The following TLL1 variants were observed in gnomAD, a reference collection of about 807,000 sequenced individuals.
The protein encoded by TLL1 is tolloid like 1.
Under a neutral mutation model 128.2 loss-of-function variants are expected in TLL1, and 49 were observed. That is an observed-to-expected ratio of 0.38 (90% CI 0.30 to 0.48). The LOEUF (loss-of-function observed/expected upper bound fraction) is 0.48, where lower values mean the gene tolerates loss of function less well. Ranked by LOEUF, TLL1 falls within the 20% of genes least tolerant of loss-of-function variation. TLL1 has a pLI of 0.96. For missense variants in TLL1, 1,123 were observed against 1,242.0 expected (o/e 0.90, Z 1.44); for synonymous variants, 454 against 418.8 (o/e 1.08, Z -1.03).
chr4:165,920,455 A>T (rs1459397836), intron 1 of TLL1, among the ~76,000 whole-genome samples: 2 of 152,258 alleles, frequency 1.3e-5, no homozygotes, highest in Non-Finnish European at 2.9e-5. Context: ...AATAATTCTC[A>T]AAAGTAACAG....
intron 1 of TLL1, among the ~76,000 whole-genome samples, chr4:165,964,918 CAG>C (rs1246796541): frequency 2.0e-5 from 3 of 151,904 alleles, no homozygotes; most frequent in Non-Finnish European, 4.4e-5. Flanking sequence ...GACTGAGTGA[CAG>C]AGTAAGACCG....
chr4:166,081,504 C>G (rs958735082), intron 18 of TLL1, among the ~76,000 whole-genome samples: 1 of 152,140 alleles, frequency 6.6e-6, no homozygotes, highest in African/African-American at 2.4e-5. Flanking sequence ...TAAGTGTGTG[C>G]AAGCTCCCCT....
chr4:166,042,008 ATTC>A lies in TLL1; in HGVS notation c.1262-16_1262-14del. ...GAGTCCTATTTAGGAGTTTCTCTTT[ATTC>A]TTTTATTTCTTTTAGGTAGATTCTG... is the stretch of plus-strand genomic sequence containing the variant. On this transcript the variant is annotated splice_polypyrimidine_tract_variant and intron_variant, in intron 10 of 20. Coordinates refer to ENST00000061240, the MANE Select transcript of TLL1 (RefSeq NM_012464.5). The A allele has an allele frequency of 1.9e-6, 3 of 1,550,354 alleles. No individual in the cohort carries two copies. Among genetic ancestry groups the A allele is most frequent in the Non-Finnish European group, 2.7e-6 (3 of 1,123,538 alleles).
intron 1 of TLL1, among the ~76,000 whole-genome samples, chr4:165,893,231 T>C (rs181093026): frequency 6.8e-4 from 104 of 152,250 alleles, no homozygotes; most frequent in African/African-American, 2.3e-3. Flanking sequence ...CAGGATGGAG[T>C]AACAGGGACT....
At chr4:165,983,779 A>G (rs1441129376) in intron 1 of TLL1, among the ~76,000 whole-genome samples, 1 of 151,802 alleles carries the variant, frequency 6.6e-6, no homozygotes, top group African/African-American at 2.4e-5. Context: ...TCCAAAGTCT[A>G]GCTTTCTTAT....
rs5863787 is a variant in TLL1, at chr4:165,903,733, T to TCACACACA, written c.169+29685_169+29692dup. 7.9e-3 allele frequency among the ~76,000 whole-genome samples: 1,148 copies of TCACACACA among 144,872 alleles called. 10 individuals are homozygous for TCACACACA. The highest frequency in any genetic ancestry group is 0.051 in the East Asian group (243 of 4,768). On this transcript the variant is annotated intron_variant, in intron 1 of 20. Coordinates refer to ENST00000061240, the MANE Select transcript of TLL1 (RefSeq NM_012464.5). ...GCAGAGGTTAGATCTTAAGTTCTTA[T>TCACACACA]CACACACACACACACACACACACAC...
At chr4:166,087,914 A>G (rs1741597094) in intron 18 of TLL1, among the ~76,000 whole-genome samples, 1 of 152,132 alleles carries the variant, frequency 6.6e-6, no homozygotes, top group Admixed American at 6.6e-5. Flanking sequence ...TGGGAAATGC[A>G]TTAGGATTTC....
At chr4:165,955,216 C>G (rs543491092) in intron 1 of TLL1, among the ~76,000 whole-genome samples, 1 of 150,750 alleles carries the variant, frequency 6.6e-6, no homozygotes, top group Non-Finnish European at 1.5e-5. Context: ...CCCAATCAGA[C>G]CAAAAAATTA....
Position 166,042,068 on chromosome 4 carries a change from A to G in TLL1, c.1303A>G (p.Thr435Ala). Residue 435 changes from threonine (T) to alanine (A), a missense_variant, in exon 11 of 21, where the codon ACA becomes GCA. Thr to Ala is a moderately conservative substitution (Grantham distance 58). Around this residue, in one of 3 missense-constraint regions of TLL1, gnomAD observed 480 missense variants for 542.4 expected, o/e 0.89. Transcript: ENST00000061240. ...GDKLPEVLTS[T>A]DSRMWIEFRS... Reference sequence around the variant, plus strand: ...CAAATTGCCTGAAGTTCTTACTTCTACAGACAGCAGAATGTGGATTGAGTT... The same window carrying G: ...CAAATTGCCTGAAGTTCTTACTTCTGCAGACAGCAGAATGTGGATTGAGTT... 1 of 1,612,430 alleles carries G rather than the reference A, an allele frequency of 6.2e-7. No individual in the cohort carries two copies. The highest frequency in any genetic ancestry group is 8.5e-7 in the Non-Finnish European group (1 of 1,178,698).
intron 1 of TLL1, among the ~76,000 whole-genome samples, chr4:165,964,533 C>A (rs116276701): frequency 2.6e-5 from 4 of 152,128 alleles, no homozygotes; most frequent in Non-Finnish European, 5.9e-5. Context: ...TGAGATGTAA[C>A]TCTGGATAGT....
intron 1 of TLL1, among the ~76,000 whole-genome samples, chr4:165,928,770 G>C (rs1012149100): frequency 1.3e-5 from 2 of 152,122 alleles, no homozygotes; most frequent in Admixed American, 1.3e-4. Context: ...CTCATTTACA[G>C]TCCCAAGATT....
intron 1 of TLL1, among the ~76,000 whole-genome samples, chr4:165,902,282 AC>A (rs1732031522): frequency 6.7e-6 from 1 of 148,482 alleles, no homozygotes; most frequent in African/African-American, 2.5e-5. Context: ...TCCAGGTGCC[AC>A]CAGGTTATGA....
chr4:165,917,489 TGTA>T (rs1377837624), intron 1 of TLL1, among the ~76,000 whole-genome samples: 2 of 152,130 alleles, frequency 1.3e-5, no homozygotes, highest in African/African-American at 4.8e-5. Flanking sequence ...AGGTATCAGG[TGTA>T]ACTTTTATTA....
intron 1 of TLL1, among the ~76,000 whole-genome samples, chr4:165,911,865 T>C (rs1382621166): frequency 6.6e-6 from 1 of 152,014 alleles, no homozygotes; most frequent in Admixed American, 6.6e-5. Context: ...GTCAATGGTG[T>C]TTTTTTGTTT....
chr4:166,066,550 T>A (rs1057204134), intron 16 of TLL1, among the ~76,000 whole-genome samples: 3 of 151,904 alleles, frequency 2.0e-5, no homozygotes, highest in African/African-American at 7.2e-5. Context: ...ATTCTGTCTT[T>A]GCAACTAGCA....
chr4:166,041,550 C>T (rs571533839), intron 10 of TLL1, among the ~76,000 whole-genome samples: 2 of 152,148 alleles, frequency 1.3e-5, no homozygotes, highest in African/African-American at 2.4e-5. Context: ...CCACCCACCT[C>T]GGCCTCCCAA....
intron 1 of TLL1, among the ~76,000 whole-genome samples, chr4:165,878,262 G>T (rs771114753): frequency 4.6e-5 from 7 of 151,650 alleles, no homozygotes; most frequent in Non-Finnish European, 1.0e-4. Flanking sequence ...TTTCTTAGTC[G>T]GTGCCTCTCT....
intron 1 of TLL1, among the ~76,000 whole-genome samples, chr4:165,918,770 A>G (rs1414982753): frequency 1.3e-5 from 2 of 152,060 alleles, no homozygotes; most frequent in South Asian, 2.1e-4. Context: ...CCCCAAAACC[A>G]CTGGGGTAGG....
Position 166,074,905 on chromosome 4 carries a change from G to A in TLL1, c.2216G>A (p.Gly739Asp). The change falls in exon 17 of 21, where the codon GGT becomes GAT. Residue 739 changes from glycine (G) to aspartate (D), a missense_variant. Gly to Asp is a moderately conservative substitution (Grantham distance 94, BLOSUM62 -1). This residue lies in a region of TLL1 where 634 missense variants were observed against 672.4 expected (regional missense o/e 0.94). Transcript: ENST00000061240. Reference protein sequence around the residue: ...SDKDECSKDNGGCQHECVNTM... With the variant: ...SDKDECSKDNDGCQHECVNTM... ...AAAGATGAATGCTCTAAGGATAATG[G>A]TGGATGTCAGCACGAATGTGTCAAC... The A allele has an allele frequency of 6.2e-7, 1 of 1,613,568 alleles. No homozygotes were observed. The highest frequency in any genetic ancestry group is 1.1e-5 in the South Asian group (1 of 91,080).
Sources: allele counts gnomAD v4.1 joint callset (sites outside exome capture counted in the v4.1 genomes callset), GRCh38; gene constraint gnomAD v4.1.1; regional missense constraint gnomAD v4.1.1; transcripts MANE v1.5; gene names NCBI Gene and HGNC (gene_info 2026-07-23, HGNC 2026-07-21).